ERICH6B: variants seen among roughly 807,000 people sequenced by gnomAD.
The protein encoded by ERICH6B is glutamate-rich protein 6B.
ERICH6B carries 69 observed loss-of-function variants against 80.0 expected under a neutral mutation model. The ratio of observed to expected loss-of-function variants is 0.86; its 90% CI spans 0.71 to 1.05. ERICH6B has a LOEUF of 1.05. Among genes scored for constraint, ERICH6B ranks in the 50% least tolerant of loss-of-function variants. The pLI is 0.00. For missense variants in ERICH6B, 754 were observed against 796.1 expected (o/e 0.95, Z 0.64); for synonymous variants, 283 against 291.9 (o/e 0.97, Z 0.31).
chr13:45,541,657 G>A lies in ERICH6B; in HGVS notation c.1896C>T (p.Ser632=), dbSNP rs373929461. The A allele has an allele frequency of 1.9e-6, 3 of 1,550,478 alleles. No homozygotes were observed. Among genetic ancestry groups the A allele is most frequent in the African/African-American group, 1.4e-5 (1 of 72,968 alleles). Residue 632 remains serine, a synonymous_variant, in exon 15 of 15, where the codon AGC becomes AGT. Coordinates refer to ENST00000298738, the MANE Select transcript of ERICH6B (RefSeq NM_182542.3). Reference sequence around the variant, plus strand: ...CCAGGATGGTTTTCTTCTTCATTTCGCTCAGCACCTCTGGGATCACAAACT... The same window carrying A: ...CCAGGATGGTTTTCTTCTTCATTTCACTCAGCACCTCTGGGATCACAAACT... The part of the protein sequence containing the change: ...RYKFVIPEVL[S]EMKKKTILEA...
intron 11 of ERICH6B, chr13:45,553,279 C>A (rs1383174540): frequency 5.9e-6 from 1 of 168,108 alleles, no homozygotes; most frequent in Non-Finnish European, 1.3e-5. Context: ...CTTCTGACAC[C>A]GGTATGAAGC....
chr13:45,603,413 G>A (rs1356103279), intron 2 of ERICH6B, among the ~76,000 whole-genome samples: 1 of 152,164 alleles, frequency 6.6e-6, no homozygotes, highest in Non-Finnish European at 1.5e-5. Context: ...GAAGATGTGG[G>A]GCGGACCCCT....
At chr13:45,570,948 T>C (rs1330827248) in intron 8 of ERICH6B, among the ~76,000 whole-genome samples, 1 of 152,198 alleles carries the variant, frequency 6.6e-6, no homozygotes, top group Non-Finnish European at 1.5e-5. Context: ...GCAGGTTCCA[T>C]GTGGCATTCG....
chr13:45,598,136 C>G (rs190535511), intron 2 of ERICH6B, among the ~76,000 whole-genome samples: 6 of 152,196 alleles, frequency 3.9e-5, no homozygotes, highest in Non-Finnish European at 8.8e-5. Flanking sequence ...CCTGCCCCCA[C>G]CCTGTTACTC....
chr13:45,573,613 G>A (rs1310587712), intron 8 of ERICH6B, among the ~76,000 whole-genome samples: 1 of 152,166 alleles, frequency 6.6e-6, no homozygotes, highest in Non-Finnish European at 1.5e-5. Context: ...AAATCCTTTA[G>A]TAGCAAAGTC....
Position 45,549,901 on chromosome 13 carries a change from A to G in ERICH6B, c.1638T>C (p.Ser546=), listed in dbSNP as rs1232147871. The G allele has an allele frequency of 3.2e-5, 50 of 1,550,552 alleles. No homozygotes were observed. The highest frequency in any genetic ancestry group is 1.2e-4 in the Admixed American group (6 of 50,970). The change falls in exon 13 of 15, where the codon AGT becomes AGC. Residue 546 remains serine (S), a synonymous_variant. Transcript: ENST00000298738. ...TCATGACCCAAGCTTACCAGATATC[A>G]CTATTTTCATCATAGAAGGTAGCAT... ...SGNATFYDEN[S]DIWLNLSSNL... is the part of the protein sequence containing the mutation.
intron 14 of ERICH6B, 36 bp from the exon 15 acceptor site, chr13:45,541,716 T>G: frequency 2.6e-6 from 4 of 1,542,906 alleles, no homozygotes; most frequent in Non-Finnish European, 3.5e-6. Context: ...TGAGAATGCA[T>G]GCTGCCTGAG....
chr13:45,567,300 G>A (rs957702973), intron 9 of ERICH6B, among the ~76,000 whole-genome samples: 1 of 152,192 alleles, frequency 6.6e-6, no homozygotes, highest in African/African-American at 2.4e-5. Context: ...TTAAGACTTT[G>A]GGGGACTGTT....
chr13:45,571,130 A>G (rs1875147489), intron 8 of ERICH6B, among the ~76,000 whole-genome samples: 1 of 152,236 alleles, frequency 6.6e-6, no homozygotes, highest in Non-Finnish European at 1.5e-5. Flanking sequence ...GTGCTGCCAC[A>G]GCACCCTGAG....
intron 14 of ERICH6B, 50 bp from the exon 15 acceptor site, chr13:45,541,730 G>A (rs758565808): frequency 3.8e-5 from 58 of 1,516,066 alleles, no homozygotes; most frequent in South Asian, 6.0e-5. Flanking sequence ...GCCTGAGCAC[G>A]GTGCCCCAGA....
chr13:45,580,833 T>A (rs1345398876), intron 5 of ERICH6B, among the ~76,000 whole-genome samples, 168 bp from the exon 6 acceptor site: 1 of 152,166 alleles, frequency 6.6e-6, no homozygotes, highest in Non-Finnish European at 1.5e-5. Flanking sequence ...GATGCCCCAC[T>A]GCACCCCACC....
intron 12 of ERICH6B, 89 bp downstream of exon 12, chr13:45,550,142 T>C (rs1470625267): frequency 1.1e-5 from 17 of 1,531,292 alleles, no homozygotes; most frequent in South Asian, 7.4e-5. Context: ...ACCCCACACC[T>C]CAGTCAAACC....
At position 45,541,561 on chromosome 13, in the gene ERICH6B, G is replaced by T. The variant is rs934268832; in HGVS notation, c.1992C>A (p.Tyr664Ter). 5.2e-6 allele frequency: 8 copies of T among 1,551,840 alleles called. No individual in the cohort carries two copies. In the South Asian group the frequency reaches 9.5e-5, roughly 18 times the overall value. The stretch of plus-strand genomic sequence containing the variant: ...AGTTTTCCAGATCAGGGGTGGTCGC[G>T]TAATTCAGGAGCCTATTCATTTTCC... ...LLGKMNRLLNYATTPDLENFI... is the reference protein window; with the variant it reads ...LLGKMNRLLN The change falls in exon 15 of 15, where the codon TAC becomes TAA. Residue 664 changes from tyrosine (Y) to a stop codon, truncating the protein, a stop_gained. Coordinates refer to ENST00000298738, the MANE Select transcript of ERICH6B (RefSeq NM_182542.3). LOFTEE classifies it low-confidence loss of function (END_TRUNC).
At chr13:45,568,206 G>C (rs995714778) in intron 9 of ERICH6B, 109 bp downstream of exon 9, 1 of 1,242,098 alleles carries the variant, frequency 8.1e-7, no homozygotes, top group African/African-American at 1.6e-5. Flanking sequence ...GAACCTGTCT[G>C]GTCCTGACTT....
chr13:45,574,737 G>C (rs1875307950), intron 8 of ERICH6B, 105 bp downstream of exon 8: 3 of 820,020 alleles, frequency 3.7e-6, no homozygotes, highest in Non-Finnish European at 5.9e-6. Context: ...AGAAAACCCA[G>C]GTCCTCAGAA....
Position 45,596,472 on chromosome 13 carries a change from C to A in ERICH6B, c.534G>T (p.Glu178Asp). The A allele has an allele frequency of 6.4e-7, 1 of 1,551,718 alleles. No homozygotes were observed. The highest frequency in any genetic ancestry group is 1.2e-5 in the South Asian group (1 of 84,050). The stretch of plus-strand genomic sequence containing the variant: ...TCTCTTCCTTCTCCAGAGCCTTTTC[C>A]TCTTCTAGATATGATTTCTTCCCCA... Reference protein sequence around the residue: ...EYLGKKSYLEEEKALEKEENL... With the variant: ...EYLGKKSYLEDEKALEKEENL... The change falls in exon 3 of 15, where the codon GAG (glutamate) becomes GAT (aspartate). Residue 178 changes from glutamate to aspartate, a missense_variant. Transcript: ENST00000298738.
At chr13:45,588,451 C>A (rs781655815) in intron 4 of ERICH6B, among the ~76,000 whole-genome samples, 1 of 152,188 alleles carries the variant, frequency 6.6e-6, no homozygotes, top group African/African-American at 2.4e-5. Context: ...CAGGCGGATG[C>A]AGGTGAGTTC....
intron 1 of ERICH6B, among the ~76,000 whole-genome samples, chr13:45,610,982 C>T (rs1949896690): frequency 6.6e-6 from 1 of 151,764 alleles, no homozygotes; most frequent in African/African-American, 2.4e-5. Context: ...TTATATGAAC[C>T]CCATTTTTCT....
At chr13:45,587,729 G>A (rs1875975545) in intron 4 of ERICH6B, among the ~76,000 whole-genome samples, 1 of 152,248 alleles carries the variant, frequency 6.6e-6, no homozygotes, top group South Asian at 2.1e-4. Context: ...GGCACTGGGT[G>A]TGAGGTGCAG....
Sources: gnomAD v4.1 joint callset for allele counts (sites outside exome capture counted in the v4.1 genomes callset) on GRCh38, gnomAD v4.1.1 for gene constraint, MANE v1.5 for transcripts, NCBI Gene and HGNC (gene_info 2026-07-23, HGNC 2026-07-21) for gene names.